TMEM108: variants seen among roughly 807,000 people sequenced by gnomAD.
TMEM108 encodes transmembrane protein 108, also known as cancer/testis antigen 124.
In TMEM108, 12 loss-of-function variants were observed where a neutral mutation model predicts 35.1. The observed-to-expected ratio is 0.34, with a 90% CI of 0.22 to 0.55. The LOEUF (loss-of-function observed/expected upper bound fraction) is 0.55. Ranked by LOEUF, TMEM108 falls within the 20% of genes least tolerant of loss-of-function variation. The pLI is 0.89. For synonymous variants in TMEM108, 287 were observed against 308.6 expected (o/e 0.93, Z 0.73); for missense variants, 680 against 753.3 (o/e 0.90, Z 1.14).
At chr3:133,246,499 G>A (rs1267369854) in intron 3 of TMEM108, 2 of 151,608 alleles carry the variant, frequency 1.3e-5, no homozygotes, top group Admixed American at 1.3e-4. Flanking sequence ...AGCAAAGTTA[G>A]GGGATTCTCA....
intron 3 of TMEM108, among the ~76,000 whole-genome samples, chr3:133,285,157 T>TA: frequency 6.6e-6 from 1 of 152,376 alleles, no homozygotes; most frequent in East Asian, 1.9e-4. Context: ...CACTGTCCAA[T>TA]ATGGTGGCTA....
At chr3:133,342,546 A>G (rs75067143) in intron 3 of TMEM108, among the ~76,000 whole-genome samples, 927 of 48,706 alleles carry the variant, frequency 0.019, 205 homozygotes, top group South Asian at 0.12. Flanking sequence ...AAAATGTGGT[A>G]TATATATATA....
At chr3:133,333,960 T>G (rs907089263) in intron 3 of TMEM108, among the ~76,000 whole-genome samples, 1 of 152,312 alleles carries the variant, frequency 6.6e-6, no homozygotes, top group Admixed American at 6.5e-5. Context: ...TTCCTTTCTC[T>G]GGGCTATGTG....
At chr3:133,067,472 C>G (rs1943623925) in intron 2 of TMEM108, among the ~76,000 whole-genome samples, 1 of 152,202 alleles carries the variant, frequency 6.6e-6, no homozygotes, top group African/African-American at 2.4e-5. Context: ...TAGCATCCAT[C>G]TAAAGCTTGA....
At chr3:133,243,725 G>T (rs1329958182) in intron 3 of TMEM108, among the ~76,000 whole-genome samples, 1 of 152,050 alleles carries the variant, frequency 6.6e-6, no homozygotes, top group Non-Finnish European at 1.5e-5. Flanking sequence ...GGGTTTCACT[G>T]TGTTAGCCAG....
At chr3:133,318,908 C>G (rs1295414142) in intron 3 of TMEM108, among the ~76,000 whole-genome samples, 1 of 75,400 alleles carries the variant, frequency 1.3e-5, no homozygotes, top group East Asian at 3.4e-4. Context: ...GCAGCAAATT[C>G]TGCGAGATAG....
At chr3:133,241,771 C>A (rs539112685) in intron 3 of TMEM108, among the ~76,000 whole-genome samples, 6 of 152,116 alleles carry the variant, frequency 3.9e-5, no homozygotes, top group Admixed American at 3.3e-4. Flanking sequence ...CACGCCACCA[C>A]GCCCAGCTAA....
Position 133,264,678 on chromosome 3 carries a change from T to G in TMEM108, c.40+35327T>G, listed in dbSNP as rs1193248101. On this transcript the variant is annotated intron_variant, in intron 3 of 5. Transcript: ENST00000321871. ...CTTTTGGAACAGTCCATGAAGCAAG[T>G]ATAAATTTGTGGAGAAAACATGAGT... Among the ~76,000 whole-genome samples the G allele has an allele frequency of 3.9e-5, 6 of 152,170 alleles. No individual in the cohort carries two copies. In the East Asian group the frequency reaches 1.2e-3, roughly 29 times the overall value.
intron 3 of TMEM108, among the ~76,000 whole-genome samples, chr3:133,291,340 G>T (rs1947065868): frequency 6.6e-6 from 1 of 151,810 alleles, no homozygotes; most frequent in South Asian, 2.1e-4. Context: ...GAGGGCAGTA[G>T]CACCATCACA....
intron 2 of TMEM108, among the ~76,000 whole-genome samples, chr3:133,064,391 C>T (rs1943570682): frequency 6.6e-6 from 1 of 152,172 alleles, no homozygotes; most frequent in Non-Finnish European, 1.5e-5. Context: ...TCCTTGTGGA[C>T]AGATGCGTGG....
chr3:133,155,695 A>G (rs888300124), intron 2 of TMEM108, among the ~76,000 whole-genome samples: 10 of 151,992 alleles, frequency 6.6e-5, no homozygotes, highest in African/African-American at 1.9e-4. Flanking sequence ...CTGCTTTTCA[A>G]TGGGTTTGTT....
In TMEM108 at chr3:133,359,605, C is replaced by T. The variant is rs574327391; in HGVS notation, c.41-20147C>T. Among the ~76,000 whole-genome samples the T allele has an allele frequency of 3.3e-5, 5 of 152,250 alleles. No homozygotes were observed. In the South Asian group the frequency reaches 6.2e-4, roughly 19 times the overall value. On this transcript the variant is annotated intron_variant, in intron 3 of 5. Transcript: ENST00000321871. ...ACTGGTAATGCTACTCACCTTCAGG[C>T]GGGTTAAAGCTGGGAGAGAGACATC...
intron 1 of TMEM108, among the ~76,000 whole-genome samples, chr3:133,039,954 A>AT (rs140055078): frequency 6.6e-6 from 1 of 152,110 alleles, no homozygotes; most frequent in Non-Finnish European, 1.5e-5. Context: ...AGATAAATAT[A>AT]TTTTTTTAAG....
At position 133,164,205 on chromosome 3, in the gene TMEM108, C is replaced by G. The variant is rs375073196; in HGVS notation, c.-46-65061C>G. On this transcript the variant is annotated intron_variant, in intron 2 of 5. Transcript: ENST00000321871. Reference sequence around the variant, plus strand: ...CGTTTTCTACTATATAACAAGAATACTTTTATTAATCTCAGCAGACAAGAC... The same window carrying G: ...CGTTTTCTACTATATAACAAGAATAGTTTTATTAATCTCAGCAGACAAGAC... 8.1e-4 allele frequency among the ~76,000 whole-genome samples: 123 copies of G among 152,286 alleles called. 3 individuals carry two copies. The South Asian group carries it at 0.025, about 31-fold the overall frequency.
chr3:133,309,345 T>C (rs2071089939), intron 3 of TMEM108, among the ~76,000 whole-genome samples: 1 of 152,184 alleles, frequency 6.6e-6, no homozygotes, highest in African/African-American at 2.4e-5. Flanking sequence ...GAAGGGTTTT[T>C]TGTGTGTCTA....
intron 3 of TMEM108, among the ~76,000 whole-genome samples, chr3:133,378,778 T>C (rs1288754170): frequency 1.3e-5 from 2 of 151,922 alleles, no homozygotes; most frequent in Admixed American, 6.6e-5. Context: ...ACTGCAAGTA[T>C]GCACATTGGC....
intron 3 of TMEM108, among the ~76,000 whole-genome samples, chr3:133,373,409 GA>G (rs2072740581): frequency 6.7e-6 from 1 of 149,656 alleles, no homozygotes; most frequent in Non-Finnish European, 1.5e-5. Context: ...TAGATAGATA[GA>G]TAGATAGATA....
chr3:133,369,766 G>A (rs2072603902), intron 3 of TMEM108, among the ~76,000 whole-genome samples: 1 of 152,164 alleles, frequency 6.6e-6, no homozygotes, highest in Admixed American at 6.5e-5. Flanking sequence ...CATTAAGGCA[G>A]GGAGCATCTC....
At chr3:133,176,545 A>T (rs1466058436) in intron 2 of TMEM108, among the ~76,000 whole-genome samples, 1 of 152,228 alleles carries the variant, frequency 6.6e-6, no homozygotes, top group Admixed American at 6.5e-5. Context: ...ATGGAAACTG[A>T]ACAACCTGCT....
Sources: gnomAD v4.1 joint callset for allele counts (sites outside exome capture counted in the v4.1 genomes callset) on GRCh38, gnomAD v4.1.1 for gene constraint, MANE v1.5 for transcripts, NCBI Gene and HGNC (gene_info 2026-07-23, HGNC 2026-07-21) for gene names.